Variants in PPARGC1A observed in about 807,000 individuals in gnomAD.
PPARGC1A encodes the protein PPARG coactivator 1 alpha.
In PPARGC1A, 25 loss-of-function variants were observed where a neutral mutation model predicts 88.7. The observed-to-expected ratio is 0.28, with a 90% confidence interval of 0.21 to 0.39. The LOEUF (loss-of-function observed/expected upper bound fraction) is 0.39, where lower values mean the gene tolerates loss of function less well. PPARGC1A is among the 10% of genes least tolerant of loss of function. The probability of loss-of-function intolerance (pLI) is 1.00; values close to 1 mark genes in which losing one functional copy is unlikely to be tolerated. For missense variants in PPARGC1A, 880 were observed against 968.7 expected, an observed-to-expected ratio of 0.91 and a Z score of 1.22; for synonymous variants, 363 against 355.6, an observed-to-expected ratio of 1.02 and a Z score of -0.24.
At chr4:24,090,747 A>G in the PPARGC1A span, among the ~76,000 whole-genome samples, 1 of 152,242 alleles carries the variant, frequency 6.6e-6, no homozygotes, top group East Asian at 1.9e-4. Context: ...AAAAATATGC[A>G]TTAGAGGTGT....
At chr4:23,915,180 T>C in the PPARGC1A span, among the ~76,000 whole-genome samples, 1 of 152,174 alleles carries the variant, frequency 6.6e-6, no homozygotes, top group Admixed American at 6.5e-5. Context: ...TTTTTTTAAA[T>C]GGGATTTTTG....
chr4:24,135,961 T>G, the PPARGC1A span, among the ~76,000 whole-genome samples: 1 of 152,156 alleles, frequency 6.6e-6, no homozygotes, highest in South Asian at 2.1e-4. Flanking sequence ...AAAGTGCTCA[T>G]TAATGACTCG....
In PPARGC1A at chr4:23,828,889, A is replaced by T. The variant is rs1025030759; in HGVS notation, c.553-285T>A. 2.6e-3 allele frequency among the ~76,000 whole-genome samples: 392 copies of T among 152,316 alleles called. 5 individuals are homozygous for T. The highest frequency in any genetic ancestry group is 7.2e-3 in the Admixed American group (110 of 15,304). ...ACAGCGCCTTTATTGTGAATAAAAA[A>T]AATCGGCTGGCTTAAACCTTAATTT... On this transcript the variant is annotated intron_variant, in intron 4 of 12. Transcript: ENST00000264867.
At chr4:24,380,260 G>T in the PPARGC1A span, among the ~76,000 whole-genome samples, 1 of 152,168 alleles carries the variant, frequency 6.6e-6, no homozygotes, top group Non-Finnish European at 1.5e-5. Context: ...ACCTTTAAGT[G>T]TGTCTTAAAG....
At chr4:24,022,385 T>C in the PPARGC1A span, among the ~76,000 whole-genome samples, 3 of 152,184 alleles carry the variant, frequency 2.0e-5, no homozygotes, top group African/African-American at 7.2e-5. Flanking sequence ...CCCATAGCGC[T>C]CACTGCCTCC....
chr4:23,938,544 G>A, the PPARGC1A span, among the ~76,000 whole-genome samples: 2 of 152,182 alleles, frequency 1.3e-5, no homozygotes, highest in Non-Finnish European at 2.9e-5. Flanking sequence ...CAATGATGGA[G>A]AGCAGAGAAT....
the PPARGC1A span, among the ~76,000 whole-genome samples, chr4:23,910,686 C>T: frequency 6.6e-6 from 1 of 151,432 alleles, no homozygotes; most frequent in African/African-American, 2.4e-5. Flanking sequence ...GATCCACCTG[C>T]CTCAGCCTCC....
At chr4:23,831,298 A>G (rs946379251) in intron 3 of PPARGC1A, among the ~76,000 whole-genome samples, 4 of 152,202 alleles carry the variant, frequency 2.6e-5, no homozygotes, top group Non-Finnish European at 2.9e-5. Flanking sequence ...ATGAACATAA[A>G]TAACACTAAG....
the PPARGC1A span, among the ~76,000 whole-genome samples, chr4:23,918,578 A>G: frequency 1.5e-4 from 23 of 152,310 alleles, no homozygotes; most frequent in African/African-American, 5.3e-4. Flanking sequence ...TTAATGAGAC[A>G]TCATGACAAA....
chr4:24,120,136 G>A, the PPARGC1A span, among the ~76,000 whole-genome samples: 1 of 152,142 alleles, frequency 6.6e-6, no homozygotes, highest in African/African-American at 2.4e-5. Context: ...GTAGACACTA[G>A]TGTTACTAAT....
At chr4:24,372,644 G>A in the PPARGC1A span, among the ~76,000 whole-genome samples, 3 of 152,126 alleles carry the variant, frequency 2.0e-5, no homozygotes, top group South Asian at 2.1e-4. Context: ...TTTTTCTACC[G>A]AAAAGAACTT....
chr4:24,168,128 T>C, the PPARGC1A span, among the ~76,000 whole-genome samples: 3 of 152,228 alleles, frequency 2.0e-5, no homozygotes, highest in East Asian at 1.9e-4. Flanking sequence ...AACTACAGTA[T>C]AGTATAAAAA....
chr4:24,337,247 T>C, the PPARGC1A span, among the ~76,000 whole-genome samples: 1 of 152,210 alleles, frequency 6.6e-6, no homozygotes, highest in African/African-American at 2.4e-5. Flanking sequence ...ATTCCACCTG[T>C]GGAGGGTCAC....
chr4:24,032,308 T>G, the PPARGC1A span, among the ~76,000 whole-genome samples: 1 of 152,192 alleles, frequency 6.6e-6, no homozygotes, highest in Non-Finnish European at 1.5e-5. Context: ...CTGAGAACCT[T>G]GCCCACAGTC....
the PPARGC1A span, among the ~76,000 whole-genome samples, chr4:24,386,790 C>A: frequency 6.6e-6 from 1 of 152,152 alleles, no homozygotes; most frequent in Admixed American, 6.5e-5. Context: ...TAGGATGAAT[C>A]AATATTGTGA....
chr4:24,330,700 G>A, the PPARGC1A span, among the ~76,000 whole-genome samples: 1 of 152,150 alleles, frequency 6.6e-6, no homozygotes, highest in African/African-American at 2.4e-5. Context: ...GCACTATTAT[G>A]ACCCTGGCTT....
chr4:24,422,176 T>C, the PPARGC1A span, among the ~76,000 whole-genome samples: 2 of 152,252 alleles, frequency 1.3e-5, no homozygotes, highest in African/African-American at 2.4e-5. Flanking sequence ...CATCCATGGC[T>C]GTTTTCATGC....
the PPARGC1A span, among the ~76,000 whole-genome samples, chr4:24,338,906 T>C: frequency 5.3e-5 from 8 of 152,174 alleles, no homozygotes; most frequent in African/African-American, 9.7e-5. Context: ...TAAAAATCTT[T>C]ATTATTGTGG....
chr4:24,227,801 G>A, the PPARGC1A span, among the ~76,000 whole-genome samples: 2 of 152,148 alleles, frequency 1.3e-5, no homozygotes, highest in African/African-American at 4.8e-5. Flanking sequence ...AAATCTGAGA[G>A]CAGACTGATG....
Sources: allele counts gnomAD v4.1 joint callset (sites outside exome capture counted in the v4.1 genomes callset), GRCh38; gene constraint gnomAD v4.1.1; transcripts MANE v1.5; gene names NCBI Gene and HGNC (gene_info 2026-07-23, HGNC 2026-07-21).